ADGRL2: variants seen among roughly 807,000 people sequenced by gnomAD.
The protein encoded by ADGRL2 is calcium-independent alpha-latrotoxin receptor 2.
A neutral mutation model predicts 157.4 loss-of-function variants in ADGRL2; 44 were observed. That is an observed-to-expected ratio of 0.28 (90% CI 0.22 to 0.36). The LOEUF is 0.36. Among genes scored for constraint, ADGRL2 ranks in the 10% least tolerant of loss-of-function variants. The pLI, the probability that ADGRL2 is intolerant of heterozygous loss-of-function variation, is 1.00. For missense variants in ADGRL2, 1,510 were observed against 1,768.9 expected, an observed-to-expected ratio of 0.85 and a Z score of 2.63; for synonymous variants, 585 against 624.7, an observed-to-expected ratio of 0.94 and a Z score of 0.95.
chr1:81,388,474 T>C (rs1460775797), intron 1 of ADGRL2, among the ~76,000 whole-genome samples: 1 of 152,158 alleles, frequency 6.6e-6, no homozygotes, highest in African/African-American at 2.4e-5. Flanking sequence ...TGCTCTTCAA[T>C]GTGCCAGATT....
intron 1 of ADGRL2, among the ~76,000 whole-genome samples, chr1:81,720,414 G>A (rs551380781): frequency 2.6e-3 from 390 of 151,784 alleles, no homozygotes; most frequent in African/African-American, 9.0e-3. Flanking sequence ...AAAGTGATCC[G>A]CCTGCCTCGG....
chr1:81,431,088 T>C (rs1423555520), intron 1 of ADGRL2, among the ~76,000 whole-genome samples: 1 of 152,174 alleles, frequency 6.6e-6, no homozygotes, highest in Admixed American at 6.5e-5. Context: ...AAAGTTCTTT[T>C]ATAGTCTGAC....
intron 1 of ADGRL2, among the ~76,000 whole-genome samples, chr1:81,822,356 T>C (rs1356064305): frequency 6.6e-6 from 1 of 151,822 alleles, no homozygotes; most frequent in South Asian, 2.1e-4. Flanking sequence ...TGTTAAGAAG[T>C]TGTGCAAGAA....
chr1:81,547,689 A>C (rs761612982), intron 2 of ADGRL2, among the ~76,000 whole-genome samples: 106 of 152,206 alleles, frequency 7.0e-4, no homozygotes, highest in South Asian at 1.2e-3. Context: ...CTTGGCAAAG[A>C]AGTCAAAGGA....
At chr1:81,375,486 C>T (rs910015340) in intron 1 of ADGRL2, among the ~76,000 whole-genome samples, 5 of 152,152 alleles carry the variant, frequency 3.3e-5, no homozygotes, top group Admixed American at 1.3e-4. Context: ...TATGAATGAA[C>T]TAACTGTAGC....
At chr1:81,596,371 T>G in intron 3 of ADGRL2, 1 of 511,372 alleles carries the variant, frequency 2.0e-6, no homozygotes, top group Non-Finnish European at 3.8e-6. Flanking sequence ...TCGAGATTCT[T>G]TTCCTTTCCT....
intron 1 of ADGRL2, among the ~76,000 whole-genome samples, chr1:81,364,847 A>G (rs2076038718): frequency 2.6e-5 from 4 of 151,914 alleles, no homozygotes; most frequent in Admixed American, 2.6e-4. Context: ...TATTTTTAGT[A>G]GGGATGGGGT....
intron 1 of ADGRL2, among the ~76,000 whole-genome samples, chr1:81,372,965 AG>A (rs960632555): frequency 2.4e-4 from 36 of 152,262 alleles, no homozygotes; most frequent in African/African-American, 8.2e-4. Flanking sequence ...ATTTATTCAA[AG>A]GGAGAGAGCT....
chr1:81,773,302 A>G (rs768635473), intron 2 of ADGRL2, among the ~76,000 whole-genome samples: 53 of 152,216 alleles, frequency 3.5e-4, no homozygotes, highest in Non-Finnish European at 6.9e-4. Flanking sequence ...TGGTCCTGAT[A>G]ACTACACTTA....
At chr1:81,701,841 C>T (rs12130668) in intron 1 of ADGRL2, among the ~76,000 whole-genome samples, 13,454 of 152,308 alleles carry the variant, frequency 0.088, 818 homozygotes, top group Non-Finnish European at 0.13. Flanking sequence ...TTGGCTATCT[C>T]TTTTCTCCCA....
At chr1:81,988,514 A>G (rs1168820011) in intron 23 of ADGRL2, 2 of 152,180 alleles carry the variant, frequency 1.3e-5, no homozygotes, top group East Asian at 3.9e-4. Context: ...ACATGAATTT[A>G]TGAAGCTAGA....
chr1:81,852,660 G>A (rs2093054439), intron 2 of ADGRL2, among the ~76,000 whole-genome samples: 1 of 151,972 alleles, frequency 6.6e-6, no homozygotes, highest in South Asian at 2.1e-4. Context: ...TTTAGCATTT[G>A]CAAGTGTATA....
In ADGRL2 at chr1:81,850,911, T is replaced by G. The variant is rs3790935; in HGVS notation, c.73+13854T>G. On this transcript the variant is annotated intron_variant, in intron 2 of 23. Coordinates refer to ENST00000686636, the MANE Select transcript of ADGRL2 (RefSeq NM_001366006.2). ...CAATGTTTTATTTATTTCTGTATTT[T>G]TCATAGTGCTTAGGCATTCAAAACT... Among the ~76,000 whole-genome samples the G allele has an allele frequency of 1.2e-4, 18 of 152,056 alleles. No individual in the cohort carries two copies. In the East Asian group the frequency reaches 3.3e-3, roughly 28 times the overall value.
chr1:81,753,481 A>G (rs1571078792), intron 1 of ADGRL2, among the ~76,000 whole-genome samples: 1 of 152,212 alleles, frequency 6.6e-6, no homozygotes, highest in Admixed American at 6.5e-5. Context: ...GAGCCAAACC[A>G]TATCAGTATG....
At chr1:81,853,303 G>A (rs1263704935) in intron 2 of ADGRL2, among the ~76,000 whole-genome samples, 1 of 152,124 alleles carries the variant, frequency 6.6e-6, no homozygotes, top group Non-Finnish European at 1.5e-5. Context: ...AGTTTTTTTA[G>A]TAAACAGCTT....
At chr1:81,364,309 A>C (rs2076027292) in intron 1 of ADGRL2, among the ~76,000 whole-genome samples, 1 of 152,130 alleles carries the variant, frequency 6.6e-6, no homozygotes, top group Admixed American at 6.6e-5. Context: ...TTCCTGTTCA[A>C]AGTACAGTTC....
At chr1:81,370,278 C>G (rs1476073130) in intron 1 of ADGRL2, among the ~76,000 whole-genome samples, 1 of 151,812 alleles carries the variant, frequency 6.6e-6, no homozygotes, top group Non-Finnish European at 1.5e-5. Context: ...TGGCATTGAC[C>G]CAGAAATGTA....
chr1:81,869,566 G>A (rs540654775), intron 2 of ADGRL2, among the ~76,000 whole-genome samples: 3 of 151,994 alleles, frequency 2.0e-5, no homozygotes, highest in Non-Finnish European at 4.4e-5. Context: ...CATCATGATA[G>A]GAAAGTACTA....
intron 3 of ADGRL2, among the ~76,000 whole-genome samples, chr1:81,925,089 G>T (rs951469460): frequency 6.6e-6 from 1 of 152,052 alleles, no homozygotes; most frequent in Non-Finnish European, 1.5e-5. Flanking sequence ...TTCCTTCTAT[G>T]TGGGAAAGAA....
Sources: gnomAD v4.1 joint callset for allele counts (sites outside exome capture counted in the v4.1 genomes callset) on GRCh38, gnomAD v4.1.1 for gene constraint, MANE v1.5 for transcripts, NCBI Gene and HGNC (gene_info 2026-07-23, HGNC 2026-07-21) for gene names.